The following TANC2 variants were observed in gnomAD, a reference collection of about 807,000 sequenced individuals.
TANC2 encodes the protein protein TANC2.
TANC2 carries 26 observed loss-of-function variants against 210.5 expected under a neutral mutation model. That is an observed-to-expected ratio of 0.12 (90% CI 0.09 to 0.17). The LOEUF (loss-of-function observed/expected upper bound fraction) is 0.17. Among genes scored for constraint, TANC2 ranks in the 10% least tolerant of loss-of-function variants. The pLI is 1.00. For synonymous variants in TANC2, 931 were observed against 967.1 expected, an observed-to-expected ratio of 0.96 and a Z score of 0.69; for missense variants, 2,129 against 2,608.9, an observed-to-expected ratio of 0.82 and a Z score of 4.01.
intron 11 of TANC2, among the ~76,000 whole-genome samples, chr17:63,329,173 A>G (rs575748832): frequency 6.6e-6 from 1 of 152,258 alleles, no homozygotes; most frequent in South Asian, 2.1e-4. Flanking sequence ...AGATGTCAGC[A>G]TGATAGATTT....
chr17:63,232,461 CTGT>C (rs972506033), intron 7 of TANC2, among the ~76,000 whole-genome samples: 10 of 152,316 alleles, frequency 6.6e-5, no homozygotes, highest in Middle Eastern at 3.4e-3. Flanking sequence ...TTTGCTAATG[CTGT>C]TGTTGTTGCT....
intron 3 of TANC2, among the ~76,000 whole-genome samples, chr17:63,096,005 A>G (rs776606976): frequency 1.1e-4 from 17 of 152,196 alleles, no homozygotes; most frequent in Non-Finnish European, 1.3e-4. Context: ...GAGGTGCTTC[A>G]CTAAATCAAA....
At chr17:63,086,378 G>C (rs539953521) in intron 3 of TANC2, among the ~76,000 whole-genome samples, 1 of 151,994 alleles carries the variant, frequency 6.6e-6, no homozygotes, top group Non-Finnish European at 1.5e-5. Context: ...CAGTTCTTAG[G>C]TGTTCTGTTC....
At chr17:63,128,176 A>C (rs530649504) in intron 4 of TANC2, among the ~76,000 whole-genome samples, 5 of 152,340 alleles carry the variant, frequency 3.3e-5, no homozygotes, top group Middle Eastern at 6.8e-3. Context: ...AAGGTGCTAA[A>C]AAAATGCTGT....
At chr17:63,025,476 A>G (rs1033592537) in intron 2 of TANC2, among the ~76,000 whole-genome samples, 13 of 152,130 alleles carry the variant, frequency 8.5e-5, no homozygotes, top group African/African-American at 2.9e-4. Flanking sequence ...AATTTCAGCA[A>G]TGAGGTGCCA....
intron 14 of TANC2, among the ~76,000 whole-genome samples, chr17:63,362,244 T>G (rs2046984596): frequency 6.6e-6 from 1 of 152,180 alleles, no homozygotes; most frequent in South Asian, 2.1e-4. Flanking sequence ...TTGTCTCATC[T>G]CTGTGAGTTT....
intron 7 of TANC2, among the ~76,000 whole-genome samples, chr17:63,222,685 A>T (rs1336270262): frequency 6.6e-6 from 1 of 151,818 alleles, no homozygotes; most frequent in Non-Finnish European, 1.5e-5. Context: ...TATGAATCTT[A>T]TTGTATGTAA....
intron 2 of TANC2, among the ~76,000 whole-genome samples, chr17:63,043,447 C>T (rs1411297919): frequency 6.6e-6 from 1 of 152,006 alleles, no homozygotes; most frequent in Non-Finnish European, 1.5e-5. Context: ...TTTTCACAAC[C>T]TTGTGGAATA....
At chr17:63,201,189 G>A (rs1164712308) in intron 7 of TANC2, among the ~76,000 whole-genome samples, 4 of 151,436 alleles carry the variant, frequency 2.6e-5, no homozygotes, top group Non-Finnish European at 4.4e-5. Flanking sequence ...AGAAGGAGTG[G>A]ATTTAAAAAA....
chr17:63,190,107 G>A (rs1408926180), intron 5 of TANC2, among the ~76,000 whole-genome samples: 1 of 152,084 alleles, frequency 6.6e-6, no homozygotes, highest in Admixed American at 6.6e-5. Context: ...GGGTGAAGTG[G>A]GAGGATTGCT....
At chr17:63,422,064 G>A (rs1171899417) in exon 28 of TANC2, 6 of 1,355,412 alleles carry the variant, frequency 4.4e-6, no homozygotes, top group Non-Finnish European at 2.0e-6. Context: ...GTTTCTGTGT[G>A]GTGTTCAGAG....
chr17:63,107,987 C>G (rs577241416), intron 4 of TANC2, among the ~76,000 whole-genome samples: 1 of 151,788 alleles, frequency 6.6e-6, no homozygotes, highest in African/African-American at 2.4e-5. Context: ...ATAAAAACTT[C>G]ATATAGTAAA....
chr17:63,218,694 G>A lies in TANC2; in HGVS notation c.769+17737G>A, dbSNP rs1048104273. ...GTGGATAGCCTGAAGTCAGGAGTTC[G>A]AGACCAGCCTGGCCAACATGGCGAA... On this transcript the variant is annotated intron_variant, in intron 7 of 27. Transcript: ENST00000689528. Among the ~76,000 whole-genome samples the A allele has an allele frequency of 3.9e-5, 6 of 152,164 alleles. No homozygotes were observed. The South Asian group carries it at 8.3e-4, about 21-fold the overall frequency.
intron 16 of TANC2, 40 bp from the exon 17 acceptor site, chr17:63,389,268 C>A: frequency 6.7e-7 from 1 of 1,493,050 alleles, no homozygotes; most frequent in Non-Finnish European, 9.3e-7. Flanking sequence ...GGATGTGACT[C>A]CTGTTTGTCT....
intron 2 of TANC2, among the ~76,000 whole-genome samples, chr17:63,021,555 C>T (rs535237969): frequency 1.4e-4 from 22 of 152,318 alleles, no homozygotes; most frequent in Middle Eastern, 3.4e-3. Context: ...TCTTGGACTT[C>T]CCAGCCTTCA....
chr17:63,252,017 TATTTAAATATAAGAAGTTAAACGTGAGAA>T (rs1157139524), intron 8 of TANC2, among the ~76,000 whole-genome samples: 5 of 152,202 alleles, frequency 3.3e-5, no homozygotes, highest in Admixed American at 3.3e-4. Context: ...CACCAGCTTT[TATTTAAATATAAGAAGTTAAACGTGAGAA>T]ACTAAACCTG....
chr17:63,019,447 G>A (rs1451203385), intron 2 of TANC2, among the ~76,000 whole-genome samples: 1 of 152,052 alleles, frequency 6.6e-6, no homozygotes, highest in Non-Finnish European at 1.5e-5. Context: ...CAAACTCCTG[G>A]CCTCAAGTGA....
intron 14 of TANC2, among the ~76,000 whole-genome samples, chr17:63,366,223 T>C (rs2047106616): frequency 1.3e-5 from 2 of 152,218 alleles, no homozygotes; most frequent in Admixed American, 1.3e-4. Flanking sequence ...AGTGAAGACA[T>C]GCATTTCAGC....
chr17:63,159,318 A>ACT (rs2039945595), intron 5 of TANC2, among the ~76,000 whole-genome samples: 2 of 152,240 alleles, frequency 1.3e-5, no homozygotes, highest in Non-Finnish European at 2.9e-5. Context: ...TATTGGAAAC[A>ACT]TAAGTACTGT....
Sources: allele counts gnomAD v4.1 joint callset (sites outside exome capture counted in the v4.1 genomes callset), GRCh38; gene constraint gnomAD v4.1.1; transcripts MANE v1.5; gene names NCBI Gene and HGNC (gene_info 2026-07-23, HGNC 2026-07-21).